The following DOCK10 variants were observed in gnomAD, a reference collection of about 807,000 sequenced individuals.
DOCK10 encodes dedicator of cytokinesis 10.
A neutral mutation model predicts 280.1 loss-of-function variants in DOCK10; 145 were observed. The observed-to-expected ratio is 0.52, with a 90% CI of 0.45 to 0.59. The LOEUF (loss-of-function observed/expected upper bound fraction) is 0.59, where lower values mean the gene tolerates loss of function less well. Ranked by LOEUF, DOCK10 falls within the 20% of genes least tolerant of loss-of-function variation. DOCK10 has a pLI of 0.00. For missense variants in DOCK10, 2,368 were observed against 2,651.7 expected, an observed-to-expected ratio of 0.89 and a Z score of 2.35; for synonymous variants, 915 against 942.2, an observed-to-expected ratio of 0.97 and a Z score of 0.53.
At chr2:224,794,851 G>A (rs1031223899) in intron 45 of DOCK10, 28 bp downstream of exon 45, 36 of 1,607,654 alleles carry the variant, frequency 2.2e-5, no homozygotes, top group Admixed American at 1.8e-4. Flanking sequence ...CAATACTGAT[G>A]GTAAATGACC....
chr2:224,899,433 T>G (rs1045517188), intron 3 of DOCK10, among the ~76,000 whole-genome samples: 1 of 152,148 alleles, frequency 6.6e-6, no homozygotes, highest in African/African-American at 2.4e-5. Flanking sequence ...AAAACAAAAT[T>G]CCATGCCCTC....
intron 1 of DOCK10, among the ~76,000 whole-genome samples, chr2:225,035,847 C>G (rs1690245745): frequency 6.6e-6 from 1 of 151,216 alleles, no homozygotes; most frequent in Non-Finnish European, 1.5e-5. Flanking sequence ...TTGTTGTGTC[C>G]TCACATGACA....
At chr2:224,957,068 T>C (rs528650156) in intron 1 of DOCK10, among the ~76,000 whole-genome samples, 1 of 152,310 alleles carries the variant, frequency 6.6e-6, no homozygotes, top group East Asian at 1.9e-4. Flanking sequence ...TCATTTGTTG[T>C]TTGTGTGTGG....
chr2:224,810,115 G>A (rs148677206), intron 31 of DOCK10, among the ~76,000 whole-genome samples: 1 of 152,028 alleles, frequency 6.6e-6, no homozygotes, highest in African/African-American at 2.4e-5. Context: ...GTTAATATGT[G>A]GAATCTAAAG....
At chr2:224,890,620 C>T (rs183915348) in intron 4 of DOCK10, among the ~76,000 whole-genome samples, 4 of 152,158 alleles carry the variant, frequency 2.6e-5, no homozygotes, top group African/African-American at 9.7e-5. Flanking sequence ...GGAAAAGAAG[C>T]TACTGATACG....
chr2:224,799,857 C>T (rs1041143233), intron 41 of DOCK10, among the ~76,000 whole-genome samples: 69 of 152,192 alleles, frequency 4.5e-4, no homozygotes, highest in Non-Finnish European at 9.0e-4. Context: ...TGAAAAAGTA[C>T]AGAGTCACAC....
intron 31 of DOCK10, 85 bp from the exon 32 acceptor site, chr2:224,808,171 T>C: frequency 8.1e-7 from 1 of 1,237,198 alleles, no homozygotes; most frequent in East Asian, 2.5e-5. Flanking sequence ...ACAACTACCA[T>C]CAACTTCTTC....
At chr2:224,968,270 C>T (rs1171209629) in intron 1 of DOCK10, among the ~76,000 whole-genome samples, 4 of 152,166 alleles carry the variant, frequency 2.6e-5, no homozygotes, top group African/African-American at 7.2e-5. Flanking sequence ...TTAAAAAGAG[C>T]GCCAGAAAAT....
At chr2:224,909,331 A>T (rs1327369957) in intron 3 of DOCK10, among the ~76,000 whole-genome samples, 1 of 152,194 alleles carries the variant, frequency 6.6e-6, no homozygotes, top group Non-Finnish European at 1.5e-5. Context: ...TAAGCCACTT[A>T]AGCAGATTCA....
At position 224,837,765 on chromosome 2, in the gene DOCK10, A is replaced by T. The variant is rs758911770; in HGVS notation, c.2847T>A (p.Ile949=). The change falls in exon 25 of 56, where the codon ATT becomes ATA. Residue 949 remains isoleucine (I), a synonymous_variant. Transcript: ENST00000258390. ...EQLDHSVQSY[I]KFVFKTRACK... ...ATTTCCAAGAGGCATTTCATACCTTAATATATGACTGGACAGAATGATCCA... is the reference window on the plus strand; with the variant it reads ...ATTTCCAAGAGGCATTTCATACCTTTATATATGACTGGACAGAATGATCCA... 2 of 1,613,520 alleles carry T rather than the reference A, an allele frequency of 1.2e-6. No individual in the cohort carries two copies. The highest frequency in any genetic ancestry group is 2.2e-5 in the South Asian group (2 of 91,076).
intron 1 of DOCK10, among the ~76,000 whole-genome samples, chr2:224,953,073 C>CT (rs11447995): frequency 0.6 from 91,666 of 151,940 alleles, 27,901 homozygotes; most frequent in Non-Finnish European, 0.64. Context: ...TTTAGAGTAA[C>CT]AGAAACATAG....
intron 25 of DOCK10, among the ~76,000 whole-genome samples, chr2:224,837,464 T>C (rs1163228002): frequency 6.6e-6 from 1 of 152,250 alleles, no homozygotes; most frequent in Non-Finnish European, 1.5e-5. Context: ...TCTCATGTAC[T>C]TGTAATGTTG....
intron 2 of DOCK10, among the ~76,000 whole-genome samples, chr2:224,920,356 G>A (rs1422271717): frequency 6.6e-6 from 1 of 151,710 alleles, no homozygotes; most frequent in Non-Finnish European, 1.5e-5. Flanking sequence ...TTACAGGCAT[G>A]AGCCACTGTG....
At chr2:225,014,673 C>A (rs1464801433) in intron 1 of DOCK10, among the ~76,000 whole-genome samples, 2 of 151,934 alleles carry the variant, frequency 1.3e-5, no homozygotes, top group Non-Finnish European at 2.9e-5. Context: ...ATATTTATTT[C>A]TCCGCTTAGT....
At chr2:224,849,427 T>G in intron 19 of DOCK10, 80 bp downstream of exon 19, 1 of 967,556 alleles carries the variant, frequency 1.0e-6, no homozygotes, top group South Asian at 1.4e-5. Context: ...CTAGAGAGAG[T>G]GTTTTTCACT....
At chr2:224,827,540 A>T (rs1385426297) in intron 27 of DOCK10, among the ~76,000 whole-genome samples, 1 of 152,154 alleles carries the variant, frequency 6.6e-6, no homozygotes, top group Non-Finnish European at 1.5e-5. Context: ...TAGGAACTAG[A>T]AGAGAATTTT....
intron 39 of DOCK10, among the ~76,000 whole-genome samples, chr2:224,802,687 A>G (rs972858851): frequency 6.6e-6 from 1 of 152,214 alleles, no homozygotes; most frequent in African/African-American, 2.4e-5. Flanking sequence ...TACTGTGGAA[A>G]TAGGAATATT....
Position 224,845,205 on chromosome 2 carries a change from T to C in DOCK10, c.2479A>G (p.Lys827Glu). 1 of 1,571,780 alleles carries C rather than the reference T, an allele frequency of 6.4e-7. No individual in the cohort carries two copies. The highest frequency in any genetic ancestry group is 8.6e-7 in the Non-Finnish European group (1 of 1,156,730). The change falls in exon 21 of 56, where the codon AAG becomes GAG. Residue 827 changes from lysine (K) to glutamate (E), a missense_variant and splice_region_variant. This residue lies in a region of DOCK10 where 1,209 missense variants were observed against 1,250.9 expected (regional missense o/e 0.97). Transcript: ENST00000258390. ...YLSFQDSASGKHGGSDIKWVD... is the reference protein window; with the variant it reads ...YLSFQDSASGEHGGSDIKWVD... ...TTAAATTACACATTATTCAATACCT[T>C]TCCACTTGCAGAATCTTGAAAGCTT...
chr2:224,876,307 CA>C, intron 7 of DOCK10, 86 bp from the exon 8 acceptor site: 1 of 1,234,308 alleles, frequency 8.1e-7, no homozygotes, highest in Non-Finnish European at 1.1e-6. Context: ...CTTGAGGTTC[CA>C]AAAGTCTTTC....
Sources: gnomAD v4.1 joint callset for allele counts (sites outside exome capture counted in the v4.1 genomes callset) on GRCh38, gnomAD v4.1.1 for gene constraint, gnomAD v4.1.1 regional missense constraint, MANE v1.5 for transcripts, NCBI Gene and HGNC (gene_info 2026-07-23, HGNC 2026-07-21) for gene names.